Variants in GRID2 observed in about 807,000 individuals in gnomAD.
GRID2 encodes the protein glutamate receptor ionotropic, delta-2.
A neutral mutation model predicts 114.8 loss-of-function variants in GRID2; 33 were observed. The ratio of observed to expected loss-of-function variants is 0.29; its 90% CI spans 0.22 to 0.38. The LOEUF is 0.38. Among genes scored for constraint, GRID2 ranks in the 10% least tolerant of loss-of-function variants. The pLI is 1.00. For synonymous variants in GRID2, 505 were observed against 449.9 expected, an observed-to-expected ratio of 1.12 and a Z score of -1.55; for missense variants, 1,184 against 1,257.7, an observed-to-expected ratio of 0.94 and a Z score of 0.89.
chr4:92,582,130 T>A (rs1290945228), intron 1 of GRID2, among the ~76,000 whole-genome samples: 1 of 152,014 alleles, frequency 6.6e-6, no homozygotes, highest in East Asian at 1.9e-4. Context: ...TGGCCACAAT[T>A]TGAATATTAT....
chr4:92,991,916 GT>G (rs1426157816), intron 2 of GRID2, among the ~76,000 whole-genome samples: 4 of 152,078 alleles, frequency 2.6e-5, no homozygotes, highest in Non-Finnish European at 5.9e-5. Context: ...TATTTTTGAA[GT>G]TTTTTTAAAT....
chr4:92,947,782 G>A (rs1751748960), intron 2 of GRID2, among the ~76,000 whole-genome samples: 1 of 151,710 alleles, frequency 6.6e-6, no homozygotes, highest in African/African-American at 2.4e-5. Flanking sequence ...CAATAAAAGG[G>A]TGCATTAGAA....
At chr4:92,664,837 A>G (rs983414184) in intron 2 of GRID2, among the ~76,000 whole-genome samples, 2 of 151,054 alleles carry the variant, frequency 1.3e-5, no homozygotes, top group African/African-American at 4.8e-5. Context: ...TGATTTTAGT[A>G]TAGTTACTCC....
intron 13 of GRID2, among the ~76,000 whole-genome samples, chr4:93,520,398 T>C (rs961737957): frequency 1.3e-5 from 2 of 151,516 alleles, no homozygotes; most frequent in African/African-American, 4.9e-5. Flanking sequence ...GGTTGGGAAA[T>C]ACTTCTCTGA....
intron 1 of GRID2, among the ~76,000 whole-genome samples, chr4:93,800,243 T>C (rs184686164): frequency 9.6e-4 from 146 of 152,364 alleles, no homozygotes; most frequent in African/African-American, 3.2e-3. Context: ...AGCAATCCTG[T>C]GTAAACGAGG....
chr4:93,468,451 G>C (rs1300497982), intron 11 of GRID2, among the ~76,000 whole-genome samples: 1 of 152,144 alleles, frequency 6.6e-6, no homozygotes, highest in Non-Finnish European at 1.5e-5. Context: ...AGAATTGGAA[G>C]TATGTATGGA....
At chr4:92,924,365 A>G (rs896762291) in intron 2 of GRID2, among the ~76,000 whole-genome samples, 8 of 152,032 alleles carry the variant, frequency 5.3e-5, no homozygotes, top group Non-Finnish European at 1.0e-4. Context: ...TAACCTGCAC[A>G]TTGTGCACAT....
rs1236112194 is a variant in GRID2 at position 93,107,541 on chromosome 4, TA to T, written c.530-3200del. Reference sequence around the variant, plus strand: ...TAATTTACTAGATCAATTTATTTATTAAAAAAATTTTTTTTGAGGGGGCATC... The same window carrying T: ...TAATTTACTAGATCAATTTATTTATTAAAAAATTTTTTTTGAGGGGGCATC... On this transcript the variant is annotated intron_variant, in intron 3 of 15. Transcript: ENST00000282020. 5.3e-5 allele frequency among the ~76,000 whole-genome samples: 8 copies of T among 152,228 alleles called. No homozygotes were observed. In the East Asian group the frequency reaches 1.5e-3, roughly 29 times the overall value.
intron 12 of GRID2, among the ~76,000 whole-genome samples, chr4:93,491,242 T>C (rs1190846097): frequency 6.6e-6 from 1 of 151,838 alleles, no homozygotes; most frequent in Non-Finnish European, 1.5e-5. Context: ...GGGAGGGGAA[T>C]AGCAATCAAC....
intron 1 of GRID2, among the ~76,000 whole-genome samples, chr4:92,431,121 G>A (rs1732418310): frequency 6.6e-6 from 1 of 152,120 alleles, no homozygotes; most frequent in African/African-American, 2.4e-5. Context: ...GATTGCTCTA[G>A]CTAGCACTTC....
At chr4:92,972,899 C>T (rs976161658) in intron 2 of GRID2, among the ~76,000 whole-genome samples, 3 of 152,042 alleles carry the variant, frequency 2.0e-5, no homozygotes, top group African/African-American at 4.8e-5. Context: ...AAGATAATGA[C>T]CTCCAGCTCT....
At chr4:92,675,553 T>A (rs1401489676) in intron 2 of GRID2, among the ~76,000 whole-genome samples, 1 of 146,294 alleles carries the variant, frequency 6.8e-6, no homozygotes, top group Non-Finnish European at 1.5e-5. Flanking sequence ...GGGCTACAAT[T>A]TTTTTTTTTT....
At chr4:92,901,175 T>G (rs1747557902) in intron 2 of GRID2, among the ~76,000 whole-genome samples, 1 of 152,204 alleles carries the variant, frequency 6.6e-6, no homozygotes, top group Admixed American at 6.5e-5. Context: ...GATGTTGTAT[T>G]AATTTACATT....
At chr4:92,753,784 G>A (rs759892973) in intron 2 of GRID2, among the ~76,000 whole-genome samples, 1 of 151,774 alleles carries the variant, frequency 6.6e-6, no homozygotes, top group African/African-American at 2.4e-5. Flanking sequence ...GAAAGACTGT[G>A]GTAAAAATGA....
At chr4:93,690,945 A>G (rs985895159) in intron 14 of GRID2, among the ~76,000 whole-genome samples, 2 of 148,422 alleles carry the variant, frequency 1.3e-5, no homozygotes, top group African/African-American at 4.9e-5. Context: ...ATATATTATA[A>G]CATACATAAT....
At chr4:93,048,586 C>G (rs1013385419) in intron 2 of GRID2, among the ~76,000 whole-genome samples, 6 of 151,984 alleles carry the variant, frequency 3.9e-5, no homozygotes, top group Admixed American at 2.6e-4. Flanking sequence ...TCGCCCCAAA[C>G]CCCCATAAAA....
chr4:93,207,713 G>T (rs1287191200), intron 5 of GRID2, among the ~76,000 whole-genome samples: 1 of 151,928 alleles, frequency 6.6e-6, no homozygotes, highest in Non-Finnish European at 1.5e-5. Flanking sequence ...CATTCTGCCT[G>T]CTCAAGGAGA....
At chr4:92,831,441 T>C (rs1742093767) in intron 2 of GRID2, among the ~76,000 whole-genome samples, 1 of 151,336 alleles carries the variant, frequency 6.6e-6, no homozygotes, top group Non-Finnish European at 1.5e-5. Flanking sequence ...TAGTATAAAG[T>C]TAAACACTTT....
chr4:92,555,489 G>A (rs956587190), intron 1 of GRID2, among the ~76,000 whole-genome samples: 1 of 152,142 alleles, frequency 6.6e-6, no homozygotes, highest in Non-Finnish European at 1.5e-5. Context: ...GATTGCAAAA[G>A]AAATGGAAGG....
Sources: gnomAD v4.1 joint callset for allele counts (sites outside exome capture counted in the v4.1 genomes callset) on GRCh38, gnomAD v4.1.1 for gene constraint, MANE v1.5 for transcripts, NCBI Gene and HGNC (gene_info 2026-07-23, HGNC 2026-07-21) for gene names.